Variants in ERC2 observed in about 807,000 individuals in gnomAD.
ERC2 encodes ERC protein 2.
A neutral mutation model predicts 114.8 loss-of-function variants in ERC2; 42 were observed. That is an observed-to-expected ratio of 0.37 (90% CI 0.29 to 0.47). The LOEUF (loss-of-function observed/expected upper bound fraction) is 0.47, where lower values mean the gene tolerates loss of function less well. Among genes scored for constraint, ERC2 ranks in the 20% least tolerant of loss-of-function variants. The pLI is 0.99. For synonymous variants in ERC2, 454 were observed against 425.5 expected, an observed-to-expected ratio of 1.07 and a Z score of -0.82; for missense variants, 939 against 1,150.7, an observed-to-expected ratio of 0.82 and a Z score of 2.66.
intron 17 of ERC2, among the ~76,000 whole-genome samples, chr3:55,541,944 TTTTGCCAAACTACCCCTTATTGA>T (rs1382494829): frequency 2.6e-5 from 4 of 152,216 alleles, no homozygotes; most frequent in Admixed American, 6.5e-5. Context: ...TTTTCACAAT[TTTTGCCAAACTACCCCTTATTGA>T]GCATTTTCCA....
intron 10 of ERC2, among the ~76,000 whole-genome samples, chr3:55,997,903 TTTTTGTG>T (rs1559996564): frequency 0.028 from 1,170 of 42,408 alleles, 58 homozygotes; most frequent in African/African-American, 0.058. Context: ...TTTTTTTTTT[TTTTTGTG>T]TGTGTGTGTG....
intron 6 of ERC2, among the ~76,000 whole-genome samples, chr3:56,137,243 C>G (rs1336988234): frequency 6.6e-6 from 1 of 152,176 alleles, no homozygotes; most frequent in Non-Finnish European, 1.5e-5. Flanking sequence ...AGCAGACTGC[C>G]TTGCTTCTCA....
At chr3:56,450,350 A>G (rs573463138) in intron 1 of ERC2, among the ~76,000 whole-genome samples, 1 of 152,344 alleles carries the variant, frequency 6.6e-6, no homozygotes, top group South Asian at 2.1e-4. Flanking sequence ...CCATACTACA[A>G]GGCAAGGGCT....
intron 2 of ERC2, among the ~76,000 whole-genome samples, chr3:56,400,603 T>C (rs2060485099): frequency 6.6e-6 from 1 of 152,208 alleles, no homozygotes; most frequent in Non-Finnish European, 1.5e-5. Context: ...GGAGGAAAAG[T>C]ATTACATGCT....
chr3:56,453,333 C>T (rs1460928880), intron 1 of ERC2, among the ~76,000 whole-genome samples: 3 of 152,186 alleles, frequency 2.0e-5, no homozygotes, highest in Non-Finnish European at 4.4e-5. Context: ...CCAAGAAAGG[C>T]TCCTTCAGCC....
Position 56,008,219 on chromosome 3 carries a change from G to A in ERC2, c.1921-898C>T, listed in dbSNP as rs1032581947. 5.3e-5 allele frequency among the ~76,000 whole-genome samples: 8 copies of A among 152,074 alleles called. No individual in the cohort carries two copies. In the East Asian group the frequency reaches 9.6e-4, roughly 18 times the overall value. On this transcript the variant is annotated intron_variant, in intron 9 of 17. Transcript: ENST00000288221. ...ACACAATGGTCTCTCTGTAAACAAC[G>A]TTGGCTAATAATTTACACTGGGTTG... is the stretch of plus-strand genomic sequence containing the variant.
chr3:55,718,720 C>T (rs913160755), intron 15 of ERC2, among the ~76,000 whole-genome samples: 1 of 152,178 alleles, frequency 6.6e-6, no homozygotes. Context: ...TTATTAGACT[C>T]AAGCATCACA....
At chr3:56,260,447 G>T (rs746863098) in intron 3 of ERC2, among the ~76,000 whole-genome samples, 1 of 152,214 alleles carries the variant, frequency 6.6e-6, no homozygotes, top group East Asian at 1.9e-4. Context: ...TCGCCCCCGC[G>T]CCCCAGCCCT....
intron 3 of ERC2, among the ~76,000 whole-genome samples, chr3:56,196,088 G>T (rs2048083860): frequency 6.6e-6 from 1 of 152,010 alleles, no homozygotes; most frequent in Non-Finnish European, 1.5e-5. Flanking sequence ...ACTGTTCTAG[G>T]TCTTCTGCAG....
intron 14 of ERC2, among the ~76,000 whole-genome samples, chr3:55,788,305 G>T (rs4574263): frequency 0.074 from 11,298 of 152,138 alleles, 710 homozygotes; most frequent in African/African-American, 0.17. Flanking sequence ...ACAGCTGGTT[G>T]CATTCCTTGA....
intron 13 of ERC2, among the ~76,000 whole-genome samples, chr3:55,949,828 G>C (rs1014945147): frequency 3.3e-5 from 5 of 152,194 alleles, no homozygotes; most frequent in Non-Finnish European, 7.3e-5. Context: ...TGAGTACATG[G>C]GGAGCACTCC....
chr3:55,768,236 G>T (rs1455080040), intron 14 of ERC2, among the ~76,000 whole-genome samples: 1 of 152,166 alleles, frequency 6.6e-6, no homozygotes, highest in African/African-American at 2.4e-5. Context: ...ATGTGAGAAT[G>T]GACTAATACA....
At chr3:56,332,344 A>C (rs2057663919) in intron 2 of ERC2, among the ~76,000 whole-genome samples, 1 of 152,180 alleles carries the variant, frequency 6.6e-6, no homozygotes, top group African/African-American at 2.4e-5. Flanking sequence ...TAACAACAAT[A>C]ATAGCAGCTA....
chr3:55,517,384 T>G (rs1575444515), intron 17 of ERC2, among the ~76,000 whole-genome samples: 1 of 141,314 alleles, frequency 7.1e-6, no homozygotes, highest in Admixed American at 7.4e-5. Context: ...GAGGTGGAGG[T>G]TGCAGTGAGC....
At chr3:56,151,924 C>G (rs1443333404) in intron 4 of ERC2, among the ~76,000 whole-genome samples, 1 of 152,168 alleles carries the variant, frequency 6.6e-6, no homozygotes, top group Non-Finnish European at 1.5e-5. Flanking sequence ...CCCTAATCGC[C>G]AAAGAGCTTT....
At chr3:55,860,321 T>G (rs920834867) in intron 14 of ERC2, among the ~76,000 whole-genome samples, 6 of 152,194 alleles carry the variant, frequency 3.9e-5, no homozygotes, top group African/African-American at 1.4e-4. Context: ...AATTTACATG[T>G]AAGTGGATTC....
chr3:55,778,060 C>A (rs2068754714), intron 14 of ERC2, among the ~76,000 whole-genome samples: 1 of 151,916 alleles, frequency 6.6e-6, no homozygotes, highest in Non-Finnish European at 1.5e-5. Flanking sequence ...TGAAGTAAAT[C>A]CAAATGCTCA....
intron 4 of ERC2, among the ~76,000 whole-genome samples, chr3:56,159,752 G>A (rs1024877259): frequency 5.3e-5 from 8 of 152,134 alleles, no homozygotes; most frequent in Admixed American, 5.2e-4. Flanking sequence ...GTGAGAACGT[G>A]CAGTATTTGG....
intron 4 of ERC2, among the ~76,000 whole-genome samples, chr3:56,150,561 A>G (rs1332520675): frequency 6.6e-6 from 1 of 152,180 alleles, no homozygotes; most frequent in Non-Finnish European, 1.5e-5. Flanking sequence ...AGGAAATGGA[A>G]CATTCTGTAG....
Sources: gnomAD v4.1 joint callset for allele counts (sites outside exome capture counted in the v4.1 genomes callset) on GRCh38, gnomAD v4.1.1 for gene constraint, MANE v1.5 for transcripts, NCBI Gene and HGNC (gene_info 2026-07-23, HGNC 2026-07-21) for gene names.